The following PDLIM5 variants were observed in gnomAD, a reference collection of about 807,000 sequenced individuals.
PDLIM5 encodes PDZ and LIM domain 5.
In PDLIM5, 34 loss-of-function variants were observed where a neutral mutation model predicts 64.2. The ratio of observed to expected loss-of-function variants is 0.53; its 90% CI spans 0.40 to 0.71. The LOEUF (loss-of-function observed/expected upper bound fraction) is 0.71, where lower values mean the gene tolerates loss of function less well. Ranked by LOEUF, PDLIM5 falls within the 30% of genes least tolerant of loss-of-function variation. The pLI is 0.00. For synonymous variants in PDLIM5, 253 were observed against 269.1 expected (o/e 0.94, Z 0.59); for missense variants, 683 against 733.6 (o/e 0.93, Z 0.80).
chr4:94,455,397 T>C lies in PDLIM5; in HGVS notation c.96+13T>C, dbSNP rs201829949. On this transcript the variant is annotated intron_variant, in intron 2 of 12. Coordinates refer to ENST00000317968, the MANE Select transcript of PDLIM5 (RefSeq NM_006457.5). ...GACAATCTCTAGTGTAAGTAAACTTTACAAATTTTATTATAGATGTTCATT... is the reference window on the plus strand; with the variant it reads ...GACAATCTCTAGTGTAAGTAAACTTCACAAATTTTATTATAGATGTTCATT... 4.6e-6 allele frequency: 7 copies of C among 1,532,054 alleles called. No individual in the cohort carries two copies. In the South Asian group the frequency reaches 7.8e-5, roughly 17 times the overall value. The allele number at this position is 1,532,054 out of a possible 1,614,324, so 94.9% of individuals were successfully genotyped here. A position where few individuals can be genotyped will look rare whatever the true frequency, so the allele number is the denominator to read the frequency against.
chr4:94,529,852 G>A (rs1730703485), intron 3 of PDLIM5, among the ~76,000 whole-genome samples: 1 of 152,146 alleles, frequency 6.6e-6, no homozygotes, highest in African/African-American at 2.4e-5. Context: ...TACTCTTGGG[G>A]AAGTCAGGCA....
At position 94,642,110 on chromosome 4, in the gene PDLIM5, T is replaced by A. The variant is rs559001784; in HGVS notation, c.1283+1660T>A. 1.6e-4 allele frequency among the ~76,000 whole-genome samples: 24 copies of A among 152,364 alleles called. No individual in the cohort carries two copies. In the South Asian group the frequency reaches 4.1e-3, roughly 26 times the overall value. On this transcript the variant is annotated intron_variant, in intron 9 of 12. Transcript: ENST00000317968. The stretch of plus-strand genomic sequence containing the variant: ...TAAAATAGAAACAAACTCTGACTTG[T>A]AACATTGCTTCTGTAAGTTACAGTA...
intron 3 of PDLIM5, among the ~76,000 whole-genome samples, chr4:94,563,272 A>T (rs1733999474): frequency 6.6e-6 from 1 of 152,210 alleles, no homozygotes; most frequent in Non-Finnish European, 1.5e-5. Context: ...GATTCTACTT[A>T]TTAATGAATG....
chr4:94,630,127 AC>A (rs1285462154), intron 8 of PDLIM5, among the ~76,000 whole-genome samples: 3 of 152,146 alleles, frequency 2.0e-5, no homozygotes, highest in Admixed American at 6.5e-5. Flanking sequence ...TTGCTACCAT[AC>A]CACTGAGAAC....
chr4:94,588,512 G>A (rs755687322), intron 7 of PDLIM5, among the ~76,000 whole-genome samples: 7 of 152,030 alleles, frequency 4.6e-5, no homozygotes, highest in Non-Finnish European at 8.8e-5. Context: ...GCGGTGAGCC[G>A]AGATTGCACC....
At chr4:94,519,844 T>C (rs1282295702) in intron 2 of PDLIM5, among the ~76,000 whole-genome samples, 1 of 152,186 alleles carries the variant, frequency 6.6e-6, no homozygotes, top group African/African-American at 2.4e-5. Flanking sequence ...TTCTTTTACA[T>C]TCTCTCCCAA....
At chr4:94,513,367 G>A (rs1257501786) in intron 2 of PDLIM5, among the ~76,000 whole-genome samples, 5 of 152,160 alleles carry the variant, frequency 3.3e-5, no homozygotes, top group African/African-American at 1.2e-4. Flanking sequence ...CCATGAACAT[G>A]GAATATCTTT....
At chr4:94,622,852 A>G (rs4699555) in intron 8 of PDLIM5, among the ~76,000 whole-genome samples, 151,377 of 152,176 alleles carry the variant, frequency 0.99, 75,290 homozygotes, top group East Asian at 1. Flanking sequence ...TGTATTTTTA[A>G]TAGAGACGGG....
intron 7 of PDLIM5, chr4:94,608,233 T>C: frequency 1.6e-6 from 2 of 1,220,428 alleles, no homozygotes; most frequent in Non-Finnish European, 2.3e-6. Context: ...TGAATTTAAA[T>C]ATACTAAACT....
At chr4:94,585,167 T>C (rs1736070596) in intron 5 of PDLIM5, among the ~76,000 whole-genome samples, 1 of 152,190 alleles carries the variant, frequency 6.6e-6, no homozygotes, top group Non-Finnish European at 1.5e-5. Flanking sequence ...CTTGGCTCAC[T>C]GCAACCTCCA....
At chr4:94,619,404 G>T (rs1175705961) in intron 8 of PDLIM5, among the ~76,000 whole-genome samples, 1 of 151,194 alleles carries the variant, frequency 6.6e-6, no homozygotes, top group African/African-American at 2.4e-5. Flanking sequence ...ACTTTGGGAG[G>T]CCGAGGCCGG....
At chr4:94,505,323 A>G (rs897066346) in intron 2 of PDLIM5, among the ~76,000 whole-genome samples, 5 of 151,470 alleles carry the variant, frequency 3.3e-5, no homozygotes, top group African/African-American at 1.2e-4. Flanking sequence ...CAGTGGCGTG[A>G]TCTCAGCTCA....
At chr4:94,527,256 C>T (rs1730454943) in intron 3 of PDLIM5, among the ~76,000 whole-genome samples, 1 of 151,056 alleles carries the variant, frequency 6.6e-6, no homozygotes, top group Admixed American at 6.6e-5. Context: ...AGGGTTTCAC[C>T]ATGTTGGCCA....
chr4:94,587,247 T>G, intron 7 of PDLIM5: 1 of 1,423,674 alleles, frequency 7.0e-7, no homozygotes, highest in Non-Finnish European at 9.1e-7. Flanking sequence ...AAGATGAACA[T>G]GTTTTGTGCT....
chr4:94,564,656 C>CTCTTTTTTTTT (rs1553959063), intron 3 of PDLIM5, among the ~76,000 whole-genome samples: 11 of 104,544 alleles, frequency 1.1e-4, no homozygotes, highest in African/African-American at 4.3e-4. Flanking sequence ...AATTTTGTCT[C>CTCTTTTTTTTT]TTTTTTTTTT....
At chr4:94,551,244 A>T (rs889324438) in intron 3 of PDLIM5, among the ~76,000 whole-genome samples, 1 of 152,212 alleles carries the variant, frequency 6.6e-6, no homozygotes, top group East Asian at 1.9e-4. Context: ...ATTTATTAAC[A>T]TTATTTAACA....
At chr4:94,491,601 G>C (rs548468953) in intron 2 of PDLIM5, among the ~76,000 whole-genome samples, 1 of 151,896 alleles carries the variant, frequency 6.6e-6, no homozygotes, top group South Asian at 2.1e-4. Flanking sequence ...CAGCTGTGTT[G>C]ATTTTTTTTT....
At chr4:94,457,612 T>G (rs1723491091) in intron 2 of PDLIM5, among the ~76,000 whole-genome samples, 1 of 152,222 alleles carries the variant, frequency 6.6e-6, no homozygotes, top group Admixed American at 6.5e-5. Context: ...CAAACTTAAT[T>G]ATCACTTTGT....
At chr4:94,633,507 G>A (rs1170408593) in intron 8 of PDLIM5, among the ~76,000 whole-genome samples, 3 of 152,122 alleles carry the variant, frequency 2.0e-5, no homozygotes, top group Admixed American at 2.0e-4. Flanking sequence ...TTTCTAATTT[G>A]ACAAGACATT....
Sources: allele counts gnomAD v4.1 joint callset (sites outside exome capture counted in the v4.1 genomes callset), GRCh38; gene constraint gnomAD v4.1.1; transcripts MANE v1.5; gene names NCBI Gene and HGNC (gene_info 2026-07-23, HGNC 2026-07-21).